Variants in USP25 observed in about 807,000 individuals in gnomAD.
USP25 encodes the protein ubiquitin specific peptidase 25, also known as ubiquitin carboxyl-terminal hydrolase 25.
In USP25, 85 loss-of-function variants were observed where a neutral mutation model predicts 158.5. The ratio of observed to expected loss-of-function variants is 0.54; its 90% confidence interval spans 0.45 to 0.64. USP25 has a LOEUF of 0.64. Ranked by LOEUF, USP25 falls within the 30% of genes least tolerant of loss-of-function variation. The pLI, the probability that USP25 is intolerant of heterozygous loss-of-function variation, is 0.00. For synonymous variants in USP25, 464 were observed against 460.4 expected, an observed-to-expected ratio of 1.01 and a Z score of -0.10; for missense variants, 1,242 against 1,327.3, an observed-to-expected ratio of 0.94 and a Z score of 1.00.
intron 4 of USP25, among the ~76,000 whole-genome samples, chr21:15,778,810 T>G (rs1243245507): frequency 1.3e-5 from 2 of 152,128 alleles, no homozygotes; most frequent in Non-Finnish European, 2.9e-5. Context: ...CAGTGGTAAC[T>G]CTATGTTACT....
At chr21:15,811,083 CTATT>C in intron 8 of USP25, 50 bp from the exon 9 acceptor site, 14 of 1,461,348 alleles carry the variant, frequency 9.6e-6, no homozygotes, top group Non-Finnish European at 1.3e-5. Context: ...AATATTTTCT[CTATT>C]TATAGGTCCG....
At chr21:15,864,495 T>C (rs773910821) in intron 21 of USP25, 49 bp downstream of exon 21, 16 of 1,460,454 alleles carry the variant, frequency 1.1e-5, no homozygotes, top group Admixed American at 2.5e-5. Context: ...CTTTTTTTTT[T>C]TCCTGCAGAT....
intron 20 of USP25, among the ~76,000 whole-genome samples, chr21:15,853,820 G>A (rs914496713): frequency 1.4e-4 from 22 of 152,042 alleles, no homozygotes; most frequent in African/African-American, 4.8e-4. Flanking sequence ...AACCGTGTTA[G>A]CGTTGGAATG....
At chr21:15,756,246 C>T (rs368549357) in intron 1 of USP25, among the ~76,000 whole-genome samples, 1 of 152,070 alleles carries the variant, frequency 6.6e-6, no homozygotes, top group Non-Finnish European at 1.5e-5. Context: ...GATGAACGTC[C>T]CTCAGTCAGA....
At chr21:15,747,313 A>G (rs759050558) in intron 1 of USP25, among the ~76,000 whole-genome samples, 3 of 152,050 alleles carry the variant, frequency 2.0e-5, no homozygotes, top group African/African-American at 4.8e-5. Context: ...GAAAGAGACT[A>G]CATTCACATA....
intron 3 of USP25, among the ~76,000 whole-genome samples, chr21:15,777,037 G>A (rs940095519): frequency 1.3e-5 from 2 of 152,132 alleles, no homozygotes; most frequent in South Asian, 2.1e-4. Context: ...GATAATGGGA[G>A]TATTTATCAT....
Position 15,766,201 on chromosome 21 carries a change from T to C in USP25, c.268+60T>C. 2 of 1,497,910 alleles carry C rather than the reference T, an allele frequency of 1.3e-6. No individual in the cohort carries two copies. The highest frequency in any genetic ancestry group is 2.6e-5 in the South Asian group (2 of 75,724). 92.8% of individuals were successfully genotyped at this position (1,497,910 alleles called of 1,614,324 possible). A position where few individuals can be genotyped will look rare whatever the true frequency, so the allele number is the denominator to read the frequency against. ...AAACATACTGAAAAACTTTTCTTGG[T>C]GTAATATATTAATGTTGCTTAAGGA... On this transcript the variant is annotated intron_variant, in intron 3 of 25. Coordinates refer to ENST00000400183, the MANE Select transcript of USP25 (RefSeq NM_001283041.3). This position sits in a 1 kb window ranked among gnomAD's most constrained non-coding sequence, Gnocchi z 4.0.
intron 7 of USP25, among the ~76,000 whole-genome samples, chr21:15,807,886 C>T (rs992381876): frequency 6.6e-6 from 1 of 152,190 alleles, no homozygotes; most frequent in Non-Finnish European, 1.5e-5. Flanking sequence ...TGAATGTTTA[C>T]AGCTGGATTT....
At chr21:15,752,884 A>T (rs987788126) in intron 1 of USP25, among the ~76,000 whole-genome samples, 2 of 152,206 alleles carry the variant, frequency 1.3e-5, no homozygotes, top group Non-Finnish European at 2.9e-5. Context: ...ATTGAGAAAA[A>T]CTTCAATCTG....
At chr21:15,847,543 T>C (rs2038679975) in intron 18 of USP25, 120 bp from the exon 19 acceptor site, 1 of 628,342 alleles carries the variant, frequency 1.6e-6, no homozygotes, top group East Asian at 2.8e-5. Context: ...CTTTTAAAAA[T>C]AAGTCATATG....
chr21:15,766,117 A>T lies in USP25; in HGVS notation c.244A>T (p.Ser82Cys). The T allele has an allele frequency of 6.2e-7, 1 of 1,604,268 alleles. No homozygotes were observed. The highest frequency in any genetic ancestry group is 8.5e-7 in the Non-Finnish European group (1 of 1,176,388). Reference protein sequence around the residue: ...TALPGNDRYISVGSQADTNVI... With the variant: ...TALPGNDRYICVGSQADTNVI... ...ACTTCCTGGCAATGATAGATACATC[A>T]GTGTGGGAAGCCAAGCAGATACAAG... The change falls in exon 3 of 26, where the codon AGT becomes TGT. Residue 82 changes from serine to cysteine, a missense_variant. Ser to Cys is a moderately radical substitution (Grantham distance 112, BLOSUM62 -1). Transcript: ENST00000400183. The surrounding 1 kb of genome is among the most constrained non-coding windows in gnomAD (Gnocchi z 4.0).
intron 20 of USP25, among the ~76,000 whole-genome samples, chr21:15,860,128 C>T (rs961646641): frequency 6.6e-6 from 1 of 151,514 alleles, no homozygotes; most frequent in South Asian, 2.1e-4. Context: ...GCTGGGATTA[C>T]AGGCTCCCGC....
At chr21:15,849,612 A>G (rs2038791860) in intron 19 of USP25, among the ~76,000 whole-genome samples, 165 bp from the exon 20 acceptor site, 1 of 152,190 alleles carries the variant, frequency 6.6e-6, no homozygotes, top group East Asian at 1.9e-4. Flanking sequence ...TGTGCCCTGT[A>G]TGGATGATCT....
chr21:15,783,792 C>CT (rs1250084306), intron 4 of USP25, among the ~76,000 whole-genome samples: 2 of 126,714 alleles, frequency 1.6e-5, no homozygotes, highest in Non-Finnish European at 3.2e-5. Flanking sequence ...CCCGTCTGTA[C>CT]TAAAAAAAAA....
In USP25 at chr21:15,864,335, A is replaced by G. The variant is rs2039564189; in HGVS notation, c.2615A>G (p.Tyr872Cys). 1.2e-6 allele frequency: 2 copies of G among 1,613,448 alleles called. No homozygotes were observed. The highest frequency in any genetic ancestry group is 1.3e-5 in the African/African-American group (1 of 75,012). Residue 872 changes from tyrosine to cysteine, a missense_variant, in exon 21 of 26, where the codon TAT becomes TGT. This residue lies in a region of USP25 where 608 missense variants were observed against 605.2 expected (regional missense o/e 1.00). Transcript: ENST00000400183. ...AQEDTPPETD[Y>C]RLHHVVVYFI... ...GAAGACACCCCACCAGAAACCGATT[A>G]TCGTTTACATCATGTAGTGGTCTAC...
At position 15,805,103 on chromosome 21, in the gene USP25, G is replaced by GT. The variant is rs760824980; in HGVS notation, c.643-11dup. ...CTTCAGTTAAGGTGTTTTTGTTTTT[G>GT]TTTTTTTCCTTCAATAGGAACATCG... On this transcript the variant is annotated splice_polypyrimidine_tract_variant and intron_variant, in intron 6 of 25. Transcript: ENST00000400183. The GT allele has an allele frequency of 7.3e-5, 113 of 1,556,816 alleles. No individual in the cohort carries two copies. The highest frequency in any genetic ancestry group is 1.7e-4 in the Middle Eastern group (1 of 5,806).
At chr21:15,841,761 A>G (rs1257400345) in intron 17 of USP25, among the ~76,000 whole-genome samples, 2 of 152,200 alleles carry the variant, frequency 1.3e-5, no homozygotes, top group Non-Finnish European at 2.9e-5. Context: ...ACTCACTGAG[A>G]TAAACCCTTT....
rs78133632 is a variant in USP25 at position 15,800,950 on chromosome 21, G to C, written c.642+1107G>C. 5.2e-3 allele frequency among the ~76,000 whole-genome samples: 786 copies of C among 151,544 alleles called. 9 individuals carry two copies. The highest frequency in any genetic ancestry group is 0.018 in the African/African-American group (737 of 41,474). On this transcript the variant is annotated intron_variant, in intron 6 of 25. Transcript: ENST00000400183. ...TGATAAACAACCCATTTTCAAAAGG[G>C]AGTCAGGATCGTCTGACAAACTCTT...
intron 1 of USP25, among the ~76,000 whole-genome samples, chr21:15,759,879 A>G (rs1057124687): frequency 6.6e-6 from 1 of 152,032 alleles, no homozygotes. Context: ...AGATAATTTT[A>G]TTTTTCTCAA....
Sources: allele counts gnomAD v4.1 joint callset (sites outside exome capture counted in the v4.1 genomes callset), GRCh38; gene constraint gnomAD v4.1.1; regional missense constraint gnomAD v4.1.1; non-coding constraint Gnocchi (gnomAD v3.1); transcripts MANE v1.5; gene names NCBI Gene and HGNC (gene_info 2026-07-23, HGNC 2026-07-21).